TLN2: variants seen among roughly 807,000 people sequenced by gnomAD.
The protein encoded by TLN2 is talin 2.
In TLN2, 118 loss-of-function variants were observed where a neutral mutation model predicts 294.7. The ratio of observed to expected loss-of-function variants is 0.40; its 90% confidence interval spans 0.34 to 0.47. The LOEUF (loss-of-function observed/expected upper bound fraction) is 0.47. Ranked by LOEUF, TLN2 falls within the 20% of genes least tolerant of loss-of-function variation. TLN2 has a pLI of 0.84. For missense variants in TLN2, 3,083 were observed against 3,282.2 expected, an observed-to-expected ratio of 0.94 and a Z score of 1.48; for synonymous variants, 1,431 against 1,304.5, an observed-to-expected ratio of 1.10 and a Z score of -2.09.
chr15:62,704,064 T>C (rs2058902902), intron 19 of TLN2, among the ~76,000 whole-genome samples: 1 of 152,224 alleles, frequency 6.6e-6, no homozygotes, highest in Non-Finnish European at 1.5e-5. Context: ...GATGCCCTTT[T>C]CCAAATCCTG....
intron 1 of TLN2, among the ~76,000 whole-genome samples, chr15:62,506,236 G>C (rs574539488): frequency 9.3e-4 from 141 of 152,206 alleles, no homozygotes; most frequent in African/African-American, 3.3e-3. Context: ...GGTTCCAAGA[G>C]TGTGGCAGTG....
At chr15:62,457,252 G>A (rs2036535800) in intron 1 of TLN2, among the ~76,000 whole-genome samples, 1 of 152,198 alleles carries the variant, frequency 6.6e-6, no homozygotes, top group African/African-American at 2.4e-5. Flanking sequence ...ACATGACAGA[G>A]CGAGAGAGGG....
chr15:62,578,206 G>A (rs2044597421), intron 1 of TLN2, among the ~76,000 whole-genome samples: 1 of 152,090 alleles, frequency 6.6e-6, no homozygotes. Flanking sequence ...TATGGTACAT[G>A]ACGTGGTAAA....
intron 3 of TLN2, among the ~76,000 whole-genome samples, chr15:62,634,830 A>G (rs560621439): frequency 2.0e-5 from 3 of 152,356 alleles, no homozygotes; most frequent in East Asian, 1.9e-4. Context: ...GCACATCCAC[A>G]TGGCTTTCTG....
At chr15:62,687,845 T>C (rs1049483114) in intron 12 of TLN2, 1 of 152,248 alleles carries the variant, frequency 6.6e-6, no homozygotes, top group Admixed American at 6.5e-5. Flanking sequence ...GCTGTAACAT[T>C]TGTGCCTGTG....
rs138691222 is a variant in TLN2 at position 62,510,094 on chromosome 15, G to A, written c.-237-79593G>A. Among the ~76,000 whole-genome samples, 591 of 152,324 alleles carry A rather than the reference G, an allele frequency of 3.9e-3. 6 individuals are homozygous for A. The highest frequency in any genetic ancestry group is 0.013 in the African/African-American group (560 of 41,572). On this transcript the variant is annotated intron_variant, in intron 1 of 58. Coordinates refer to ENST00000636159, the MANE Select transcript of TLN2 (RefSeq NM_015059.3). ...ATTCTCTTCATTCTTTGTGGGGTTT[G>A]TTACTGGCAGCCTTAGTAAAGCATC... is the stretch of plus-strand genomic sequence containing the variant.
chr15:62,644,486 T>A (rs1260836013), intron 3 of TLN2: 1 of 455,952 alleles, frequency 2.2e-6, no homozygotes, highest in Admixed American at 2.3e-5. Context: ...ATATTCCACC[T>A]CTCCACTGAA....
intron 1 of TLN2, among the ~76,000 whole-genome samples, chr15:62,417,749 T>A (rs2034170572): frequency 6.6e-6 from 1 of 152,186 alleles, no homozygotes; most frequent in Non-Finnish European, 1.5e-5. Context: ...GCCACAACAG[T>A]GCCTGTGGAC....
intron 3 of TLN2, among the ~76,000 whole-genome samples, chr15:62,636,061 C>T (rs973101972): frequency 1.4e-4 from 21 of 152,118 alleles, no homozygotes; most frequent in Admixed American, 1.1e-3. Context: ...AAGGGCTTAG[C>T]ATCAGTGCCA....
intron 54 of TLN2, among the ~76,000 whole-genome samples, chr15:62,821,283 C>T (rs1458764507): frequency 6.6e-6 from 1 of 152,238 alleles, no homozygotes; most frequent in African/African-American, 2.4e-5. Context: ...CCTACCCCAC[C>T]TTCCATAGCT....
At chr15:62,770,448 C>T (rs1176501630) in intron 41 of TLN2, among the ~76,000 whole-genome samples, 1 of 152,192 alleles carries the variant, frequency 6.6e-6, no homozygotes, top group African/African-American at 2.4e-5. Flanking sequence ...ATAAACAGAG[C>T]ATCTAGGCTG....
chr15:62,601,351 G>T (rs1374136241), intron 2 of TLN2, among the ~76,000 whole-genome samples: 1 of 152,056 alleles, frequency 6.6e-6, no homozygotes, highest in Non-Finnish European at 1.5e-5. Context: ...GTAGTTTTTT[G>T]TTCTACAGTC....
intron 45 of TLN2, chr15:62,784,511 A>G (rs1348813184): frequency 1.3e-5 from 2 of 152,400 alleles, no homozygotes; most frequent in South Asian, 2.1e-4. Context: ...AACGGTAGCC[A>G]AAGTTGGGCC....
chr15:62,712,020 C>G lies in TLN2; in HGVS notation c.2577C>G (p.Leu859=), dbSNP rs374137495. The G allele has an allele frequency of 1.4e-5, 22 of 1,614,186 alleles. No individual in the cohort carries two copies. Among genetic ancestry groups the G allele is most frequent in the Non-Finnish European group, 1.9e-5 (22 of 1,180,016 alleles). The change falls in exon 22 of 59, where the codon CTC becomes CTG. Residue 859 remains leucine, a synonymous_variant. Transcript: ENST00000636159. The stretch of plus-strand genomic sequence containing the variant: ...TCGACATGGAGAATTCAAAGAAGCT[C>G]CTGGCAGCAGCAAAACTCTTAGCTG... ...AEIDMENSKK[L]LAAAKLLADS...
intron 57 of TLN2, among the ~76,000 whole-genome samples, chr15:62,838,323 T>A (rs1028039701): frequency 1.3e-5 from 2 of 152,194 alleles, no homozygotes; most frequent in African/African-American, 4.8e-5. Context: ...TTCAAGTTGC[T>A]GACTGTCCAG....
intron 53 of TLN2, 42 bp from the exon 54 acceptor site, chr15:62,820,444 T>G: frequency 6.2e-7 from 1 of 1,606,180 alleles, no homozygotes; most frequent in Non-Finnish European, 8.5e-7. Flanking sequence ...TGCCCTGAGG[T>G]CTGCAGCTAT....
At chr15:62,539,899 C>CA (rs529006528) in intron 1 of TLN2, among the ~76,000 whole-genome samples, 2,931 of 111,134 alleles carry the variant, frequency 0.026, 90 homozygotes, top group African/African-American at 0.079. Context: ...CACAGGAGAC[C>CA]AAAAAAAAAA....
chr15:62,463,266 G>T (rs947711242), intron 1 of TLN2, among the ~76,000 whole-genome samples: 1 of 152,186 alleles, frequency 6.6e-6, no homozygotes, highest in Admixed American at 6.5e-5. Context: ...GCCCACCTCT[G>T]TGTTCCCTTC....
intron 1 of TLN2, among the ~76,000 whole-genome samples, chr15:62,398,024 T>C (rs919008885): frequency 6.6e-6 from 1 of 152,188 alleles, no homozygotes; most frequent in African/African-American, 2.4e-5. Context: ...CCATGGGTCT[T>C]GTGCTCTTTT....
Sources: gnomAD v4.1 joint callset for allele counts (sites outside exome capture counted in the v4.1 genomes callset) on GRCh38, gnomAD v4.1.1 for gene constraint, MANE v1.5 for transcripts, NCBI Gene and HGNC (gene_info 2026-07-23, HGNC 2026-07-21) for gene names.